Variants in RPTOR observed in about 807,000 individuals in gnomAD.
RPTOR encodes the protein regulatory-associated protein of mTOR.
In RPTOR, 21 loss-of-function variants were observed where a neutral mutation model predicts 169.9. That is an observed-to-expected ratio of 0.12 (90% CI 0.09 to 0.18). The LOEUF is 0.18. RPTOR is among the 10% of genes least tolerant of loss of function. The probability of loss-of-function intolerance (pLI) is 1.00; values close to 1 mark genes in which losing one functional copy is unlikely to be tolerated. For missense variants in RPTOR, 1,133 were observed against 1,855.9 expected, an observed-to-expected ratio of 0.61 and a Z score of 7.16; for synonymous variants, 732 against 753.2, an observed-to-expected ratio of 0.97 and a Z score of 0.46.
chr17:80,939,200 G>A (rs1455295594), intron 24 of RPTOR, among the ~76,000 whole-genome samples: 1 of 152,158 alleles, frequency 6.6e-6, no homozygotes, highest in African/African-American at 2.4e-5. Flanking sequence ...TTGACTGGAC[G>A]GCATGTATGC....
chr17:80,588,054 G>A (rs1307995101), intron 1 of RPTOR, among the ~76,000 whole-genome samples: 1 of 151,606 alleles, frequency 6.6e-6, no homozygotes, highest in Non-Finnish European at 1.5e-5. Context: ...TTCACTTAAC[G>A]TAATGTCCTC....
intron 24 of RPTOR, among the ~76,000 whole-genome samples, chr17:80,927,431 TCTATC>T (rs1458974556): frequency 1.3e-5 from 2 of 152,182 alleles, no homozygotes; most frequent in Non-Finnish European, 2.9e-5. Context: ...TTCTCAGTCA[TCTATC>T]CTATGATGAA....
At chr17:80,962,676 G>A (rs1404711950) in intron 32 of RPTOR, 99 bp downstream of exon 32, 28 of 1,188,996 alleles carry the variant, frequency 2.4e-5, no homozygotes, top group Admixed American at 4.2e-5. Context: ...AGCTGAAGGA[G>A]GGCAGGGGAG....
intron 7 of RPTOR, among the ~76,000 whole-genome samples, chr17:80,819,710 A>G (rs1042961383): frequency 3.9e-5 from 6 of 152,236 alleles, no homozygotes; most frequent in African/African-American, 1.4e-4. Context: ...TGTTTAGGGC[A>G]GGGACAGACA....
intron 17 of RPTOR, among the ~76,000 whole-genome samples, chr17:80,886,808 G>A (rs1246879685): frequency 6.6e-6 from 1 of 152,216 alleles, no homozygotes; most frequent in African/African-American, 2.4e-5. Context: ...TGCCAACCGG[G>A]ACGCAGCTGT....
intron 9 of RPTOR, 102 bp from the exon 10 acceptor site, chr17:80,837,820 C>G: frequency 6.2e-6 from 7 of 1,123,642 alleles, no homozygotes; most frequent in Non-Finnish European, 9.2e-6. Flanking sequence ...CGCCCAGACC[C>G]TTGCTGCCCA....
intron 1 of RPTOR, among the ~76,000 whole-genome samples, chr17:80,585,433 T>A (rs937370620): frequency 6.6e-6 from 1 of 152,172 alleles, no homozygotes; most frequent in African/African-American, 2.4e-5. Flanking sequence ...CTTGAACTCC[T>A]GACCTCATGA....
intron 7 of RPTOR, among the ~76,000 whole-genome samples, chr17:80,812,194 A>G (rs1244454864): frequency 6.6e-6 from 1 of 152,220 alleles, no homozygotes; most frequent in Admixed American, 6.5e-5. Flanking sequence ...AAAATTGTTC[A>G]CTTTGTCCTT....
intron 3 of RPTOR, among the ~76,000 whole-genome samples, chr17:80,700,550 GTGGTGATGGTAGAGATGATGGTGA>G (rs2066080921): frequency 2.2e-5 from 3 of 138,032 alleles, no homozygotes; most frequent in African/African-American, 8.2e-5. Context: ...GATGATGGTG[GTGGTGATGGTAGAGATGATGGTGA>G]TGGTGATGAT....
At chr17:80,622,258 A>G (rs1279638285) in intron 1 of RPTOR, among the ~76,000 whole-genome samples, 1 of 152,204 alleles carries the variant, frequency 6.6e-6, no homozygotes, top group Non-Finnish European at 1.5e-5. Flanking sequence ...AACACCCTTG[A>G]TTTAAAAGTG....
At chr17:80,634,579 G>GCGTAC (rs1567831105) in intron 2 of RPTOR, among the ~76,000 whole-genome samples, 1 of 133,410 alleles carries the variant, frequency 7.5e-6, no homozygotes, top group African/African-American at 3.0e-5. Flanking sequence ...TACTGTGTGT[G>GCGTAC]TGTGCGTACT....
intron 1 of RPTOR, among the ~76,000 whole-genome samples, chr17:80,560,501 T>C (rs1466407409): frequency 6.6e-6 from 1 of 152,046 alleles, no homozygotes. Flanking sequence ...GAGGTGGTGG[T>C]GGCTGGATGG....
chr17:80,616,452 C>T (rs558509593), intron 1 of RPTOR, among the ~76,000 whole-genome samples: 2 of 152,200 alleles, frequency 1.3e-5, no homozygotes, highest in South Asian at 2.1e-4. Context: ...GTGCACACCA[C>T]CACGCCTGGC....
intron 1 of RPTOR, among the ~76,000 whole-genome samples, chr17:80,549,807 A>G (rs750832108): frequency 4.9e-4 from 75 of 152,228 alleles, no homozygotes; most frequent in Non-Finnish European, 1.9e-4. Flanking sequence ...CACTCTGTCT[A>G]CATGCATGTA....
chr17:80,702,880 G>A (rs2066112978), intron 3 of RPTOR, among the ~76,000 whole-genome samples: 1 of 152,206 alleles, frequency 6.6e-6, no homozygotes, highest in Non-Finnish European at 1.5e-5. Context: ...TGTGACTTCA[G>A]CAATCCTAGT....
chr17:80,728,319 A>G (rs2066357843), intron 4 of RPTOR, among the ~76,000 whole-genome samples: 4 of 152,092 alleles, frequency 2.6e-5, no homozygotes, highest in Admixed American at 2.6e-4. Context: ...AGATTTTTTT[A>G]TCTTACTGTA....
intron 3 of RPTOR, among the ~76,000 whole-genome samples, chr17:80,701,475 C>T (rs553357592): frequency 7.2e-5 from 11 of 152,276 alleles, no homozygotes; most frequent in Non-Finnish European, 1.2e-4. Context: ...AGGGAAATGC[C>T]GGGCAGGGAA....
chr17:80,696,508 C>T (rs1243857651), intron 3 of RPTOR, among the ~76,000 whole-genome samples: 1 of 152,166 alleles, frequency 6.6e-6, no homozygotes, highest in African/African-American at 2.4e-5. Context: ...AGATTCATTC[C>T]ACAGCCTTTT....
At chr17:80,738,262 A>G (rs1390798988) in intron 5 of RPTOR, among the ~76,000 whole-genome samples, 1 of 152,200 alleles carries the variant, frequency 6.6e-6, no homozygotes, top group African/African-American at 2.4e-5. Context: ...GTGACATTTC[A>G]CAGTTGGTGG....
Sources: gnomAD v4.1 joint callset for allele counts (sites outside exome capture counted in the v4.1 genomes callset) on GRCh38, gnomAD v4.1.1 for gene constraint, MANE v1.5 for transcripts, NCBI Gene and HGNC (gene_info 2026-07-23, HGNC 2026-07-21) for gene names.